The following CORO2A variants were observed in gnomAD, a reference collection of about 807,000 sequenced individuals.
The protein encoded by CORO2A is coronin-2A.
A neutral mutation model predicts 62.4 loss-of-function variants in CORO2A; 47 were observed. The ratio of observed to expected loss-of-function variants is 0.75; its 90% confidence interval spans 0.60 to 0.96. CORO2A has a LOEUF of 0.96. Ranked by LOEUF, CORO2A falls within the 40% of genes least tolerant of loss-of-function variation. The pLI is 0.00. For synonymous variants in CORO2A, 273 were observed against 268.9 expected, an observed-to-expected ratio of 1.02 and a Z score of -0.15; for missense variants, 610 against 684.1, an observed-to-expected ratio of 0.89 and a Z score of 1.21.
intron 1 of CORO2A, among the ~76,000 whole-genome samples, chr9:98,190,382 C>G (rs1382210129): frequency 6.6e-6 from 1 of 152,164 alleles, no homozygotes; most frequent in Non-Finnish European, 1.5e-5. Flanking sequence ...AGAGTTTCAT[C>G]TTTTTATTTT....
At chr9:98,142,769 A>T (rs1827588966) in intron 2 of CORO2A, among the ~76,000 whole-genome samples, 1 of 151,188 alleles carries the variant, frequency 6.6e-6, no homozygotes, top group South Asian at 2.1e-4. Context: ...CTTCCTTCTC[A>T]GCTGATGAGG....
At position 98,131,009 on chromosome 9, in the gene CORO2A, G is replaced by A. The variant is rs780913387; in HGVS notation, c.816C>T (p.Gly272=). ...CCGCGTCATAGAAGGGAAACAGCAC[G>A]CCCGAGGAGCCGTCCAGGTCCTCCT... ...LMEEDLDGSS[G]VLFPFYDADT... The change falls in exon 7 of 12, where the codon GGC becomes GGT. Residue 272 remains glycine, a synonymous_variant. Transcript: ENST00000375077. The A allele has an allele frequency of 1.0e-4, 168 of 1,613,930 alleles. No individual in the cohort carries two copies. In the Middle Eastern group the frequency reaches 1.3e-3, roughly 13 times the overall value.
intron 1 of CORO2A, among the ~76,000 whole-genome samples, chr9:98,177,180 C>T (rs998782918): frequency 2.1e-4 from 32 of 152,242 alleles, no homozygotes; most frequent in African/African-American, 6.7e-4. Context: ...GTCTTTTCTG[C>T]TAGAAAGGCC....
At chr9:98,155,482 G>A (rs1357325017) in intron 2 of CORO2A, among the ~76,000 whole-genome samples, 3 of 151,686 alleles carry the variant, frequency 2.0e-5, no homozygotes, top group African/African-American at 7.3e-5. Flanking sequence ...GAGTAGCTGG[G>A]ATTACAGGTG....
At chr9:98,157,377 T>C (rs1366912990) in intron 2 of CORO2A, 83 bp downstream of exon 2, 14 of 1,361,152 alleles carry the variant, frequency 1.0e-5, no homozygotes, top group African/African-American at 8.6e-5. Context: ...GGGCTAGGAC[T>C]TTCTAGAAAC....
chr9:98,162,087 T>G (rs1777548252), intron 1 of CORO2A, among the ~76,000 whole-genome samples: 1 of 152,148 alleles, frequency 6.6e-6, no homozygotes. Context: ...ATAGAGCAAG[T>G]GGGTGCTACC....
chr9:98,157,380 C>A, intron 2 of CORO2A, 80 bp downstream of exon 2: 1 of 1,391,510 alleles, frequency 7.2e-7, no homozygotes, highest in Non-Finnish European at 1.0e-6. Context: ...CTAGGACTTT[C>A]TAGAAACCCA....
intron 5 of CORO2A, 96 bp downstream of exon 5, chr9:98,132,942 T>C (rs1827429593): frequency 6.4e-6 from 9 of 1,398,294 alleles, no homozygotes; most frequent in Non-Finnish European, 8.9e-6. Flanking sequence ...GCCCAGACGC[T>C]GACAGCATCA....
At chr9:98,159,647 CAG>C (rs1827857726) in intron 1 of CORO2A, among the ~76,000 whole-genome samples, 1 of 151,908 alleles carries the variant, frequency 6.6e-6, no homozygotes, top group Admixed American at 6.6e-5. Flanking sequence ...CCACTTCCTC[CAG>C]AGAGTCCTCC....
In CORO2A at chr9:98,157,596, T is replaced by C. The variant is rs1049248984; in HGVS notation, c.65A>G (p.Lys22Arg). 6 of 1,613,988 alleles carry C rather than the reference T, an allele frequency of 3.7e-6. No homozygotes were observed. Among genetic ancestry groups the C allele is most frequent in the Admixed American group, 1.7e-5 (1 of 59,990 alleles). ...AGGCACGGAGTCGTAGCAGTTCTCC[T>C]TGCTGGCTGGTTTGCCAAAGACATG... The part of the protein sequence containing the change: ...FRHVFGKPAS[K>R]ENCYDSVPIT... Residue 22 changes from lysine (K) to arginine (R), a missense_variant, in exon 2 of 12, where the codon AAG becomes AGG. Physicochemically the swap from Lys to Arg is conservative, Grantham distance 26. Transcript: ENST00000375077.
intron 1 of CORO2A, among the ~76,000 whole-genome samples, chr9:98,159,499 C>T (rs1372582994): frequency 6.6e-6 from 1 of 151,774 alleles, no homozygotes; most frequent in Admixed American, 6.6e-5. Context: ...TTCCAGCTTC[C>T]CCAGCACCTG....
intron 2 of CORO2A, among the ~76,000 whole-genome samples, chr9:98,146,735 C>T (rs771327097): frequency 5.9e-5 from 9 of 152,148 alleles, no homozygotes; most frequent in Non-Finnish European, 1.3e-4. Context: ...GTCTGGGCTC[C>T]CATTCGGGTC....
intron 1 of CORO2A, among the ~76,000 whole-genome samples, chr9:98,190,462 A>T (rs1486655895): frequency 1.3e-5 from 2 of 151,976 alleles, no homozygotes; most frequent in East Asian, 3.9e-4. Context: ...GTTTTTTTGG[A>T]GAAAAAAAGG....
intron 2 of CORO2A, among the ~76,000 whole-genome samples, chr9:98,152,259 G>C (rs1827736316): frequency 6.6e-6 from 1 of 151,758 alleles, no homozygotes; most frequent in Non-Finnish European, 1.5e-5. Flanking sequence ...TACTGTGCAG[G>C]CCATGACCTT....
intron 11 of CORO2A, among the ~76,000 whole-genome samples, chr9:98,125,520 T>G (rs1198267708): frequency 6.6e-6 from 1 of 152,180 alleles, no homozygotes; most frequent in Non-Finnish European, 1.5e-5. Flanking sequence ...CACTACAGAC[T>G]GACTTCCAGG....
At chr9:98,175,363 CT>C (rs911873124) in intron 1 of CORO2A, among the ~76,000 whole-genome samples, 1 of 152,242 alleles carries the variant, frequency 6.6e-6, no homozygotes, top group Non-Finnish European at 1.5e-5. Context: ...CTCCCTCCTC[CT>C]GGTGAAGGAA....
intron 2 of CORO2A, among the ~76,000 whole-genome samples, chr9:98,140,432 C>T (rs1262437152): frequency 6.6e-6 from 1 of 151,890 alleles, no homozygotes; most frequent in South Asian, 2.1e-4. Flanking sequence ...GTGTAGAGAC[C>T]ACTGTACTTG....
At chr9:98,184,800 G>T (rs1239716267) in intron 1 of CORO2A, among the ~76,000 whole-genome samples, 1 of 152,182 alleles carries the variant, frequency 6.6e-6, no homozygotes, top group Non-Finnish European at 1.5e-5. Context: ...TGTCCGATTT[G>T]ATTGTAGCCC....
intron 2 of CORO2A, chr9:98,157,241 T>C: frequency 1.9e-6 from 1 of 523,496 alleles, no homozygotes; most frequent in Admixed American, 3.5e-5. Flanking sequence ...AGAGGAGAGG[T>C]GCTACGAGTA....
Sources: gnomAD v4.1 joint callset for allele counts (sites outside exome capture counted in the v4.1 genomes callset) on GRCh38, gnomAD v4.1.1 for gene constraint, MANE v1.5 for transcripts, NCBI Gene and HGNC (gene_info 2026-07-23, HGNC 2026-07-21) for gene names.